MARCHF3: variants seen among roughly 807,000 people sequenced by gnomAD.
MARCHF3 encodes the protein membrane associated ring-CH-type finger 3, also known as E3 ubiquitin-protein ligase MARCHF3.
MARCHF3 carries 13 observed loss-of-function variants against 24.2 expected under a neutral mutation model. The observed-to-expected ratio is 0.54, with a 90% confidence interval of 0.35 to 0.85. MARCHF3 has a LOEUF of 0.85. MARCHF3 is among the 40% of genes least tolerant of loss of function. The probability of loss-of-function intolerance (pLI) is 0.01; values close to 1 mark genes in which losing one functional copy is unlikely to be tolerated. For synonymous variants in MARCHF3, 144 were observed against 137.3 expected, an observed-to-expected ratio of 1.05 and a Z score of -0.34; for missense variants, 276 against 325.0, an observed-to-expected ratio of 0.85 and a Z score of 1.16.
Position 126,891,236 on chromosome 5 carries a change from G to C in MARCHF3, c.394-12842C>G, listed in dbSNP as rs1331360386. On this transcript the variant is annotated intron_variant, in intron 3 of 4. Transcript: ENST00000308660. ...GGGAAAATTTTCTCCCATTCTGTAGGTTACCTGTTCACTCTGATGGTAGTT... is the reference window on the plus strand; with the variant it reads ...GGGAAAATTTTCTCCCATTCTGTAGCTTACCTGTTCACTCTGATGGTAGTT... 8.6e-5 allele frequency among the ~76,000 whole-genome samples: 13 copies of C among 151,882 alleles called. No individual in the cohort carries two copies. The East Asian group carries it at 1.9e-3, about 23-fold the overall frequency.
intron 1 of MARCHF3, among the ~76,000 whole-genome samples, chr5:126,949,337 A>G (rs1362664562): frequency 6.6e-6 from 1 of 152,232 alleles, no homozygotes; most frequent in Non-Finnish European, 1.5e-5. Context: ...AGGACACCAA[A>G]TGGCTGGTAT....
At chr5:126,918,576 T>C (rs994669648) in intron 1 of MARCHF3, among the ~76,000 whole-genome samples, 3 of 152,208 alleles carry the variant, frequency 2.0e-5, no homozygotes, top group African/African-American at 7.2e-5. Flanking sequence ...TAAGTTTTTG[T>C]TGACACTCTC....
intron 1 of MARCHF3, among the ~76,000 whole-genome samples, chr5:126,980,908 G>A (rs1751371558): frequency 6.6e-6 from 1 of 152,194 alleles, no homozygotes; most frequent in Non-Finnish European, 1.5e-5. Flanking sequence ...TGTTAAAATT[G>A]TTTTTAGACT....
intron 4 of MARCHF3, among the ~76,000 whole-genome samples, chr5:126,874,573 C>T (rs925033620): frequency 1.4e-5 from 2 of 142,200 alleles, no homozygotes; most frequent in Admixed American, 7.2e-5. Flanking sequence ...GCAACAAGAG[C>T]GAAACTCCCT....
chr5:126,921,101 C>T (rs749545885), intron 1 of MARCHF3, among the ~76,000 whole-genome samples: 42 of 151,656 alleles, frequency 2.8e-4, no homozygotes, highest in South Asian at 8.4e-4. Context: ...AATGATAGTC[C>T]GGTCCAGCAT....
chr5:126,870,525 G>A lies in MARCHF3; in HGVS notation c.*108C>T. The A allele has an allele frequency of 7.1e-6, 7 of 987,190 alleles. No individual in the cohort carries two copies. Among genetic ancestry groups the A allele is most frequent in the Non-Finnish European group, 9.3e-6 (6 of 646,998 alleles). The allele number at this position is 987,190 out of a possible 1,614,324, so 61.2% of individuals were successfully genotyped here. The stretch of plus-strand genomic sequence containing the variant: ...TGCTAATATGCTCTGGATGTTCTTA[G>A]ACCCACAGGCTTAAGGAAGGGCTTG... On this transcript the variant is annotated 3_prime_UTR_variant, in exon 5 of 5. Coordinates refer to ENST00000308660, the MANE Select transcript of MARCHF3 (RefSeq NM_178450.5).
intron 1 of MARCHF3, among the ~76,000 whole-genome samples, chr5:126,948,347 G>A (rs1212682020): frequency 1.3e-5 from 2 of 152,136 alleles, no homozygotes; most frequent in Admixed American, 1.3e-4. Flanking sequence ...ATTCGCAGTT[G>A]GTTGAAAAAC....
intron 1 of MARCHF3, among the ~76,000 whole-genome samples, chr5:126,919,857 T>G (rs1328086511): frequency 2.0e-5 from 3 of 152,198 alleles, no homozygotes; most frequent in African/African-American, 7.2e-5. Context: ...CCAGCAGCCC[T>G]TCTGAACCCA....
chr5:126,909,402 G>C (rs1408194526), intron 3 of MARCHF3, among the ~76,000 whole-genome samples: 1 of 152,222 alleles, frequency 6.6e-6, no homozygotes, highest in Non-Finnish European at 1.5e-5. Context: ...GGCAATGGCG[G>C]GCGCCCCTCC....
intron 3 of MARCHF3, among the ~76,000 whole-genome samples, chr5:126,912,337 C>T (rs1004894283): frequency 6.6e-6 from 1 of 152,164 alleles, no homozygotes; most frequent in African/African-American, 2.4e-5. Context: ...CCAATGTTAG[C>T]GTTTAGATGC....
At chr5:126,880,441 A>C (rs1306713352) in intron 3 of MARCHF3, among the ~76,000 whole-genome samples, 1 of 152,234 alleles carries the variant, frequency 6.6e-6, no homozygotes, top group African/African-American at 2.4e-5. Flanking sequence ...TAATCCTGCC[A>C]TGTGTTGTCA....
At chr5:127,023,121 G>C (rs1480120148) in intron 1 of MARCHF3, among the ~76,000 whole-genome samples, 1 of 152,164 alleles carries the variant, frequency 6.6e-6, no homozygotes, top group African/African-American at 2.4e-5. Context: ...TATGTAGAGG[G>C]TGCTTTCTAA....
At chr5:126,984,519 A>G (rs1487270564) in intron 1 of MARCHF3, among the ~76,000 whole-genome samples, 1 of 152,202 alleles carries the variant, frequency 6.6e-6, no homozygotes, top group Non-Finnish European at 1.5e-5. Context: ...TCAAGTTAAA[A>G]CAGAAGGAGG....
At chr5:126,953,803 C>T (rs1193244895) in intron 1 of MARCHF3, among the ~76,000 whole-genome samples, 1 of 152,174 alleles carries the variant, frequency 6.6e-6, no homozygotes, top group African/African-American at 2.4e-5. Flanking sequence ...CCCCCTTTGT[C>T]TGCTCTTTCT....
intron 1 of MARCHF3, among the ~76,000 whole-genome samples, chr5:126,931,590 C>CAT (rs1226720173): frequency 1.3e-5 from 2 of 151,804 alleles, no homozygotes; most frequent in Non-Finnish European, 2.9e-5. Flanking sequence ...CACACACACA[C>CAT]ACACACACAC....
chr5:127,025,618 C>T (rs575979479), intron 1 of MARCHF3, among the ~76,000 whole-genome samples: 170 of 152,212 alleles, frequency 1.1e-3, no homozygotes, highest in Non-Finnish European at 1.8e-3. Flanking sequence ...TTATATTTTT[C>T]AGCTTGTATC....
chr5:126,907,935 G>A (rs1754362415), intron 3 of MARCHF3, among the ~76,000 whole-genome samples: 1 of 151,778 alleles, frequency 6.6e-6, no homozygotes, highest in Admixed American at 6.6e-5. Flanking sequence ...TTACATTTTG[G>A]CATGATTTTG....
chr5:126,974,540 A>G lies in MARCHF3; in HGVS notation c.-57+55810T>C, dbSNP rs955833026. Among the ~76,000 whole-genome samples, 10 of 152,224 alleles carry G rather than the reference A, an allele frequency of 6.6e-5. No individual in the cohort carries two copies. The East Asian group carries it at 1.9e-3, about 29-fold the overall frequency. ...TACTCTTGCCCTTGTATTTTGTTCA[A>G]AACTCTCTGTTACCAAAGGAATGAT... On this transcript the variant is annotated intron_variant, in intron 1 of 4. Coordinates refer to ENST00000308660, the MANE Select transcript of MARCHF3 (RefSeq NM_178450.5).
chr5:126,975,332 T>G (rs1243856404), intron 1 of MARCHF3, among the ~76,000 whole-genome samples: 1 of 151,942 alleles, frequency 6.6e-6, no homozygotes, highest in Non-Finnish European at 1.5e-5. Flanking sequence ...TGAAAAAAAT[T>G]TTTTTATTAA....
Sources: allele counts gnomAD v4.1 joint callset (sites outside exome capture counted in the v4.1 genomes callset), GRCh38; gene constraint gnomAD v4.1.1; transcripts MANE v1.5; gene names NCBI Gene and HGNC (gene_info 2026-07-23, HGNC 2026-07-21).